Variants in HYCC1 observed in about 807,000 individuals in gnomAD.
The protein encoded by HYCC1 is hyccin.
At chr7:22,934,791 T>C in the HYCC1 span, 5 of 152,166 alleles carry the variant, frequency 3.3e-5, no homozygotes, top group African/African-American at 9.7e-5. Flanking sequence ...GTGTGAAATG[T>C]TGTCTGCCAG....
the HYCC1 span, among the ~76,000 whole-genome samples, chr7:22,964,967 C>G: frequency 2.0e-5 from 3 of 151,926 alleles, no homozygotes; most frequent in Admixed American, 2.0e-4. Flanking sequence ...AACCCTGTCT[C>G]TAGTAAAAAT....
chr7:22,993,158 G>T, the HYCC1 span, among the ~76,000 whole-genome samples: 2 of 152,088 alleles, frequency 1.3e-5, no homozygotes, highest in East Asian at 1.9e-4. Context: ...TATAATAAAT[G>T]GGGCTAGGTT....
At chr7:23,010,015 A>G in the HYCC1 span, among the ~76,000 whole-genome samples, 1 of 152,208 alleles carries the variant, frequency 6.6e-6, no homozygotes, top group South Asian at 2.1e-4. Context: ...ACAAAGCATT[A>G]CATGATGATG....
At chr7:22,903,340 TG>T in the HYCC1 span, among the ~76,000 whole-genome samples, 3 of 151,214 alleles carry the variant, frequency 2.0e-5, no homozygotes, top group Admixed American at 6.6e-5. Flanking sequence ...CTTCTTGTAA[TG>T]AAAAAAAAAG....
At chr7:23,012,715 TGTC>T in the HYCC1 span, among the ~76,000 whole-genome samples, 2 of 152,082 alleles carry the variant, frequency 1.3e-5, no homozygotes, top group African/African-American at 4.8e-5. Context: ...TACTTGGAAA[TGTC>T]GGGGGAGGTG....
chr7:22,912,848 C>G, the HYCC1 span, among the ~76,000 whole-genome samples: 3 of 152,272 alleles, frequency 2.0e-5, no homozygotes, highest in South Asian at 6.2e-4. Context: ...AAGAAGTACT[C>G]TCTGCTGGGC....
chr7:22,946,134 G>T, the HYCC1 span: 1 of 1,613,020 alleles, frequency 6.2e-7, no homozygotes, highest in Non-Finnish European at 8.5e-7. Flanking sequence ...ATCTCCATCA[G>T]TTCTTCTTGA....
At chr7:22,924,106 G>C in the HYCC1 span, among the ~76,000 whole-genome samples, 13 of 151,288 alleles carry the variant, frequency 8.6e-5, 1 homozygote, top group African/African-American at 3.2e-4. Flanking sequence ...TTGAACCCAG[G>C]GGGTGAAAGT....
At chr7:22,982,053 C>A in the HYCC1 span, among the ~76,000 whole-genome samples, 2 of 152,100 alleles carry the variant, frequency 1.3e-5, no homozygotes, top group Admixed American at 6.6e-5. Context: ...TACTTCATGA[C>A]AGAATAATTT....
chr7:23,014,100 C>G, the HYCC1 span: 2 of 470,096 alleles, frequency 4.3e-6, no homozygotes, highest in Admixed American at 4.7e-5. Context: ...ACAACCCAGC[C>G]GGGAGAGCCA....
the HYCC1 span, among the ~76,000 whole-genome samples, chr7:22,984,549 G>A: frequency 6.6e-6 from 1 of 151,924 alleles, no homozygotes; most frequent in Non-Finnish European, 1.5e-5. Context: ...GTGAGACCTC[G>A]TCTCTACAAA....
chr7:22,973,952 T>C, the HYCC1 span, among the ~76,000 whole-genome samples: 1 of 152,156 alleles, frequency 6.6e-6, no homozygotes, highest in Non-Finnish European at 1.5e-5. Context: ...AGAACATCTA[T>C]GGAGCTTCAA....
the HYCC1 span, chr7:22,964,502 T>C: frequency 1.5e-5 from 24 of 1,607,918 alleles, no homozygotes; most frequent in Non-Finnish European, 2.0e-5. Context: ...TTTTCTTACA[T>C]GTTGTCGAGG....
the HYCC1 span, among the ~76,000 whole-genome samples, chr7:22,948,533 G>C: frequency 7.2e-5 from 11 of 152,124 alleles, no homozygotes; most frequent in Non-Finnish European, 1.5e-4. Context: ...GGTGACTAAC[G>C]TGTAACAAAG....
At chr7:22,971,541 T>C in the HYCC1 span, among the ~76,000 whole-genome samples, 1 of 151,388 alleles carries the variant, frequency 6.6e-6, no homozygotes, top group Non-Finnish European at 1.5e-5. Flanking sequence ...CTGGGCATGG[T>C]GGCATTTGCC....
At chr7:22,913,885 C>G in the HYCC1 span, among the ~76,000 whole-genome samples, 1 of 152,204 alleles carries the variant, frequency 6.6e-6, no homozygotes, top group African/African-American at 2.4e-5. Flanking sequence ...GTCCCCTGTC[C>G]TCACCCTCAC....
At chr7:22,948,997 A>G in the HYCC1 span, among the ~76,000 whole-genome samples, 1 of 152,146 alleles carries the variant, frequency 6.6e-6, no homozygotes, top group South Asian at 2.1e-4. Context: ...GACAGCCAAG[A>G]CTTGTTTATT....
At chr7:22,975,537 G>A in the HYCC1 span, among the ~76,000 whole-genome samples, 1 of 152,018 alleles carries the variant, frequency 6.6e-6, no homozygotes, top group South Asian at 2.1e-4. Context: ...CCAAATTAGA[G>A]CACAGTAAAA....
the HYCC1 span, among the ~76,000 whole-genome samples, chr7:22,951,731 A>C: frequency 2.0e-5 from 3 of 151,954 alleles, no homozygotes; most frequent in Non-Finnish European, 4.4e-5. Context: ...AGAATGATTA[A>C]GCAAATGATG....
Sources: gnomAD v4.1 joint callset for allele counts (sites outside exome capture counted in the v4.1 genomes callset) on GRCh38, gnomAD v4.1.1 for gene constraint, MANE v1.5 for transcripts, NCBI Gene and HGNC (gene_info 2026-07-23, HGNC 2026-07-21) for gene names.